Variants in DGCR2 observed in about 807,000 individuals in gnomAD.
DGCR2 encodes the protein DiGeorge syndrome critical region gene 2.
A neutral mutation model predicts 51.6 loss-of-function variants in DGCR2; 24 were observed. That is an observed-to-expected ratio of 0.47 (90% confidence interval 0.34 to 0.65). DGCR2 has a LOEUF of 0.65. Ranked by LOEUF, DGCR2 falls within the 30% of genes least tolerant of loss-of-function variation. The pLI, the probability that DGCR2 is intolerant of heterozygous loss-of-function variation, is 0.01. For missense variants in DGCR2, 765 were observed against 772.1 expected (o/e 0.99, Z 0.11); for synonymous variants, 340 against 315.4 (o/e 1.08, Z -0.82).
intron 6 of DGCR2, among the ~76,000 whole-genome samples, chr22:19,049,018 A>G (rs1346198348): frequency 3.3e-5 from 5 of 152,230 alleles, no homozygotes; most frequent in Non-Finnish European, 7.3e-5. Context: ...GTGGCTGTCC[A>G]AGAGCAGTCA....
chr22:19,065,056 T>G lies in DGCR2; in HGVS notation c.340A>C (p.Lys114Gln). 6.2e-7 allele frequency: 1 copy of G among 1,613,872 alleles called. No homozygotes were observed. Among genetic ancestry groups the G allele is most frequent in the South Asian group, 1.1e-5 (1 of 91,068 alleles). Residue 114 changes from lysine (K) to glutamine (Q), a missense_variant, in exon 4 of 10, where the codon AAG becomes CAG. Physicochemically the swap from Lys to Gln is moderately conservative, Grantham distance 53. This residue lies in a region of DGCR2 where 370 missense variants were observed against 325.5 expected (regional missense o/e 1.14). Coordinates refer to ENST00000263196, the MANE Select transcript of DGCR2 (RefSeq NM_005137.3). ...TAGTGGTGCCACCCTGTCGGGCACT[T>G]CCCTAGGAAACATAAAGGACAGAAG... The part of the protein sequence containing the change: ...QPVRFSSFLG[K>Q]CPTGWHHYEG...
At chr22:19,080,696 C>T (rs1442133452) in intron 2 of DGCR2, among the ~76,000 whole-genome samples, 1 of 152,128 alleles carries the variant, frequency 6.6e-6, no homozygotes, top group Non-Finnish European at 1.5e-5. Flanking sequence ...ATTAGCTGGG[C>T]ATGGTGGTAC....
At chr22:19,039,547 G>C (rs1194985536) in intron 9 of DGCR2, among the ~76,000 whole-genome samples, 1 of 152,150 alleles carries the variant, frequency 6.6e-6, no homozygotes, top group African/African-American at 2.4e-5. Context: ...GGCCCAGGTG[G>C]GTGGAAGAAC....
intron 6 of DGCR2, among the ~76,000 whole-genome samples, chr22:19,054,786 G>A (rs1359123679): frequency 1.3e-5 from 2 of 151,172 alleles, no homozygotes; most frequent in African/African-American, 4.9e-5. Flanking sequence ...AGAAAAAAAT[G>A]TAACAGGCCA....
chr22:19,058,004 C>T (rs1253117560), intron 5 of DGCR2, among the ~76,000 whole-genome samples: 2 of 152,194 alleles, frequency 1.3e-5, no homozygotes, highest in African/African-American at 4.8e-5. Flanking sequence ...AGCAACCTTT[C>T]CAAGAAGCAG....
intron 2 of DGCR2, among the ~76,000 whole-genome samples, chr22:19,085,117 A>C (rs1569072275): frequency 6.6e-6 from 1 of 151,890 alleles, no homozygotes; most frequent in East Asian, 1.9e-4. Flanking sequence ...AAAAAAAAAA[A>C]AAACAAAGAT....
intron 1 of DGCR2, among the ~76,000 whole-genome samples, chr22:19,113,388 A>T (rs7292938): frequency 0.015 from 2,359 of 152,278 alleles, 58 homozygotes; most frequent in African/African-American, 0.051. Flanking sequence ...AAAATAAAAA[A>T]AAAAAAATAA....
chr22:19,084,449 G>A (rs1287904033), intron 2 of DGCR2, among the ~76,000 whole-genome samples: 28 of 142,832 alleles, frequency 2.0e-4, no homozygotes, highest in South Asian at 4.7e-4. Flanking sequence ...CCCGGCAGCC[G>A]CCCCGTCTGA....
At chr22:19,059,497 T>G (rs1460046240) in intron 5 of DGCR2, among the ~76,000 whole-genome samples, 1 of 151,940 alleles carries the variant, frequency 6.6e-6, no homozygotes, top group African/African-American at 2.4e-5. Context: ...TGAAGGACCC[T>G]CATCCTAGAG....
chr22:19,036,592 T>C lies in DGCR2; in HGVS notation c.*2273A>G, dbSNP rs1274897961. On this transcript the variant is annotated 3_prime_UTR_variant, in exon 10 of 10. Coordinates refer to ENST00000263196, the MANE Select transcript of DGCR2 (RefSeq NM_005137.3). Reference sequence around the variant, plus strand: ...AGCAGGCCTTGCAAAGGGGGCATTCTGGATGGTGGTGCAAGAACAGATGAG... The same window carrying C: ...AGCAGGCCTTGCAAAGGGGGCATTCCGGATGGTGGTGCAAGAACAGATGAG... The C allele has an allele frequency of 1.3e-5, 2 of 152,276 alleles. No individual in the cohort carries two copies. Among genetic ancestry groups the C allele is most frequent in the Admixed American group, 6.5e-5 (1 of 15,286 alleles). 9.4% of individuals were successfully genotyped at this position (152,276 alleles called of 1,614,324 possible).
At chr22:19,072,958 T>C (rs182650957) in intron 2 of DGCR2, among the ~76,000 whole-genome samples, 1 of 152,060 alleles carries the variant, frequency 6.6e-6, no homozygotes, top group African/African-American at 2.4e-5. Flanking sequence ...AAAATGATCT[T>C]GTACAAATGA....
intron 2 of DGCR2, among the ~76,000 whole-genome samples, chr22:19,079,280 A>G (rs2082911542): frequency 6.6e-6 from 1 of 152,198 alleles, no homozygotes; most frequent in Non-Finnish European, 1.5e-5. Flanking sequence ...GGTAAGTATA[A>G]TGTAAATATT....
chr22:19,070,115 T>C (rs181201413), intron 2 of DGCR2, among the ~76,000 whole-genome samples: 1 of 152,240 alleles, frequency 6.6e-6, no homozygotes, highest in Admixed American at 6.5e-5. Flanking sequence ...ACTGGTCCCA[T>C]GTCCTAAGCC....
chr22:19,052,360 G>A (rs1314222313), intron 6 of DGCR2, among the ~76,000 whole-genome samples: 1 of 151,928 alleles, frequency 6.6e-6, no homozygotes, highest in Non-Finnish European at 1.5e-5. Flanking sequence ...AAGCTGCAGT[G>A]AGCCAAGACT....
intron 1 of DGCR2, among the ~76,000 whole-genome samples, chr22:19,105,856 C>T (rs1237695876): frequency 6.6e-6 from 1 of 152,054 alleles, no homozygotes; most frequent in Non-Finnish European, 1.5e-5. Flanking sequence ...TGCCATCTGC[C>T]CTTTTATGGA....
rs577821811 is a variant in DGCR2 at position 19,112,448 on chromosome 22, G to T, written c.79+9680C>A. 2.8e-3 allele frequency among the ~76,000 whole-genome samples: 285 copies of T among 101,298 alleles called. 20 individuals carry two copies. The highest frequency in any genetic ancestry group is 8.7e-3 in the African/African-American group (252 of 28,812). The allele number at this position is 101,298 out of a possible 152,430, so 66.5% of individuals were successfully genotyped here. A position where few individuals can be genotyped will look rare whatever the true frequency, so the allele number is the denominator to read the frequency against. On this transcript the variant is annotated intron_variant, in intron 1 of 9. Coordinates refer to ENST00000263196, the MANE Select transcript of DGCR2 (RefSeq NM_005137.3). ...TCAAATCAAAACAGGTTTTTTTTTT[G>T]GTTTTGGTTTTTGAGGCAGGTCTTG... is the stretch of plus-strand genomic sequence containing the variant.
intron 2 of DGCR2, among the ~76,000 whole-genome samples, chr22:19,084,052 C>T (rs1191152098): frequency 2.0e-5 from 3 of 152,080 alleles, no homozygotes; most frequent in East Asian, 1.9e-4. Context: ...AGTGCAGTGG[C>T]GTGATCTCGG....
chr22:19,076,337 A>T, intron 2 of DGCR2, among the ~76,000 whole-genome samples: 1 of 147,568 alleles, frequency 6.8e-6, no homozygotes. Context: ...ATTTTTTTTT[A>T]TATTTTTGGT....
chr22:19,041,423 A>C, intron 8 of DGCR2, 129 bp from the exon 9 acceptor site: 1 of 881,396 alleles, frequency 1.1e-6, no homozygotes, highest in Non-Finnish European at 1.7e-6. Flanking sequence ...CCCGCTGCCT[A>C]CCCCTCGGCC....
Sources: gnomAD v4.1 joint callset for allele counts (sites outside exome capture counted in the v4.1 genomes callset) on GRCh38, gnomAD v4.1.1 for gene constraint, gnomAD v4.1.1 regional missense constraint, MANE v1.5 for transcripts, NCBI Gene and HGNC (gene_info 2026-07-23, HGNC 2026-07-21) for gene names.